Variants in CCDC171 observed in about 807,000 individuals in gnomAD.
CCDC171 encodes the protein coiled-coil domain-containing protein 171.
A neutral mutation model predicts 168.2 loss-of-function variants in CCDC171; 177 were observed. The observed-to-expected ratio is 1.05, with a 90% CI of 0.93 to 1.19. CCDC171 has a LOEUF of 1.19. Among genes scored for constraint, CCDC171 ranks in the 50% most tolerant of loss-of-function variants. The pLI is 0.00. For synonymous variants in CCDC171, 687 were observed against 540.8 expected, an observed-to-expected ratio of 1.27 and a Z score of -3.75; for missense variants, 1,991 against 1,539.0, an observed-to-expected ratio of 1.29 and a Z score of -4.91.
chr9:15,736,903 C>T (rs1424744298), intron 16 of CCDC171, among the ~76,000 whole-genome samples: 1 of 152,098 alleles, frequency 6.6e-6, no homozygotes, highest in Non-Finnish European at 1.5e-5. Flanking sequence ...ATCTGCCTGT[C>T]TTGGCCTCTC....
chr9:16,026,253 T>C (rs575904447), intron 6 of CCDC171, among the ~76,000 whole-genome samples: 1 of 152,290 alleles, frequency 6.6e-6, no homozygotes, highest in South Asian at 2.1e-4. Context: ...TCTCAACAGA[T>C]ACACGTGGTG....
chr9:15,725,575 G>T (rs1356021144), intron 14 of CCDC171, among the ~76,000 whole-genome samples: 1 of 152,002 alleles, frequency 6.6e-6, no homozygotes, highest in South Asian at 2.1e-4. Context: ...CCAGCCTCCT[G>T]AGTAGCTGGG....
At chr9:16,031,616 G>T (rs1833365336) in intron 6 of CCDC171, among the ~76,000 whole-genome samples, 1 of 152,196 alleles carries the variant, frequency 6.6e-6, no homozygotes, top group Admixed American at 6.5e-5. Context: ...AAATCGAATG[G>T]CCAGTTAAGC....
At chr9:15,769,816 C>A (rs542881737) in intron 18 of CCDC171, among the ~76,000 whole-genome samples, 85 of 152,256 alleles carry the variant, frequency 5.6e-4, no homozygotes, top group Non-Finnish European at 1.0e-3. Flanking sequence ...TCTCTAAATA[C>A]GAAATTCTCT....
intron 3 of CCDC171, among the ~76,000 whole-genome samples, chr9:15,994,352 C>T (rs1046389427): frequency 1.3e-5 from 2 of 152,078 alleles, no homozygotes; most frequent in Non-Finnish European, 2.9e-5. Context: ...ATCCAAACAC[C>T]GCATGTTCTC....
At chr9:15,799,829 A>G (rs1564430482) in intron 21 of CCDC171, among the ~76,000 whole-genome samples, 1 of 151,934 alleles carries the variant, frequency 6.6e-6, no homozygotes, top group East Asian at 1.9e-4. Context: ...CATGAGTTCA[A>G]TTGTTTGGAT....
chr9:15,798,631 TG>T (rs1173574304), intron 21 of CCDC171, among the ~76,000 whole-genome samples: 1 of 152,122 alleles, frequency 6.6e-6, no homozygotes, highest in Non-Finnish European at 1.5e-5. Context: ...ACAGGTCAAG[TG>T]TAGCCCACTG....
intron 24 of CCDC171, among the ~76,000 whole-genome samples, chr9:15,910,172 GCACACACA>G (rs60923477): frequency 0.013 from 2,036 of 150,892 alleles, 47 homozygotes; most frequent in African/African-American, 0.046. Context: ...GTATATATGT[GCACACACA>G]CACACACACA....
At chr9:15,675,684 A>C (rs1328647004) in intron 9 of CCDC171, among the ~76,000 whole-genome samples, 3 of 152,110 alleles carry the variant, frequency 2.0e-5, no homozygotes, top group East Asian at 1.9e-4. Flanking sequence ...TTTCTTTAAG[A>C]ATGTTGAATA....
At chr9:15,969,516 C>T (rs2132774059) in intron 25 of CCDC171, among the ~76,000 whole-genome samples, 1 of 152,154 alleles carries the variant, frequency 6.6e-6, no homozygotes, top group African/African-American at 2.4e-5. Context: ...AAGAAAATAC[C>T]CCCAGAGGAT....
intron 21 of CCDC171, among the ~76,000 whole-genome samples, chr9:15,786,716 C>T (rs2057976687): frequency 6.6e-6 from 1 of 152,134 alleles, no homozygotes; most frequent in Non-Finnish European, 1.5e-5. Context: ...ACAGCCAGTT[C>T]CTGCCTTAAC....
At chr9:15,801,809 T>G (rs1417976) in intron 21 of CCDC171, among the ~76,000 whole-genome samples, 142,686 of 152,030 alleles carry the variant, frequency 0.94, 67,016 homozygotes, top group East Asian at 0.98. Context: ...CCATTTTTTT[T>G]AGGCTTTTTT....
At chr9:15,700,727 C>G (rs1484144409) in intron 11 of CCDC171, among the ~76,000 whole-genome samples, 1 of 152,054 alleles carries the variant, frequency 6.6e-6, no homozygotes, top group Non-Finnish European at 1.5e-5. Context: ...CTCAAGCAGT[C>G]CTCCCACTTC....
chr9:15,829,667 C>G (rs529929920), intron 21 of CCDC171, among the ~76,000 whole-genome samples: 136 of 152,246 alleles, frequency 8.9e-4, no homozygotes, highest in African/African-American at 3.2e-3. Flanking sequence ...CACCTGTAAT[C>G]CCAGCACTTT....
intron 7 of CCDC171, among the ~76,000 whole-genome samples, chr9:15,648,548 A>G (rs1053664429): frequency 3.2e-4 from 48 of 152,350 alleles, no homozygotes; most frequent in African/African-American, 1.1e-3. Flanking sequence ...ATTTCAGCAA[A>G]GTCTCAGGAT....
At chr9:16,104,449 T>C in the CCDC171 span, among the ~76,000 whole-genome samples, 4 of 152,172 alleles carry the variant, frequency 2.6e-5, no homozygotes, top group Non-Finnish European at 5.9e-5. Flanking sequence ...TCTTTGGCTG[T>C]ACTTTTTGGC....
rs79622613 is a variant in CCDC171, at chr9:15,708,608, G to A, written c.1319-13161G>A. On this transcript the variant is annotated intron_variant, in intron 11 of 25. Coordinates refer to ENST00000380701, the MANE Select transcript of CCDC171 (RefSeq NM_173550.4). The stretch of plus-strand genomic sequence containing the variant: ...TAACTCCCAGAATACAGCTAGCCAG[G>A]AATGACCCACGGATTGGAGGTAAAG... Among the ~76,000 whole-genome samples, 1,388 of 152,116 alleles carry A rather than the reference G, an allele frequency of 9.1e-3. 22 individuals carry two copies. The highest frequency in any genetic ancestry group is 0.032 in the African/African-American group (1,340 of 41,512).
chr9:15,909,567 C>G (rs1034542405), intron 24 of CCDC171, among the ~76,000 whole-genome samples: 4 of 152,154 alleles, frequency 2.6e-5, no homozygotes, highest in Admixed American at 2.6e-4. Flanking sequence ...AAACATCAAA[C>G]TAGAGTACAA....
At chr9:15,831,823 T>A (rs2060244932) in intron 21 of CCDC171, among the ~76,000 whole-genome samples, 1 of 151,872 alleles carries the variant, frequency 6.6e-6, no homozygotes, top group Non-Finnish European at 1.5e-5. Context: ...AACTGCCTTT[T>A]AAAAAATGTT....
Sources: allele counts gnomAD v4.1 joint callset (sites outside exome capture counted in the v4.1 genomes callset), GRCh38; gene constraint gnomAD v4.1.1; transcripts MANE v1.5; gene names NCBI Gene and HGNC (gene_info 2026-07-23, HGNC 2026-07-21).